RASEF: variants seen among roughly 807,000 people sequenced by gnomAD.
The protein encoded by RASEF is RAS and EF-hand domain containing.
A neutral mutation model predicts 90.1 loss-of-function variants in RASEF; 68 were observed. The observed-to-expected ratio is 0.75, with a 90% confidence interval of 0.62 to 0.92. The LOEUF (loss-of-function observed/expected upper bound fraction) is 0.92, where lower values mean the gene tolerates loss of function less well. Among genes scored for constraint, RASEF ranks in the 40% least tolerant of loss-of-function variants. The probability of loss-of-function intolerance (pLI) is 0.00; values close to 1 mark genes in which losing one functional copy is unlikely to be tolerated. For missense variants in RASEF, 949 were observed against 937.2 expected, an observed-to-expected ratio of 1.01 and a Z score of -0.16; for synonymous variants, 331 against 345.2, an observed-to-expected ratio of 0.96 and a Z score of 0.46.
At chr9:83,052,307 T>G (rs141613557) in intron 1 of RASEF, among the ~76,000 whole-genome samples, 16,808 of 138,360 alleles carry the variant, frequency 0.12, 1,300 homozygotes, top group Middle Eastern at 0.18. Flanking sequence ...ATCCATTTCT[T>G]CTAGATTTTC....
intron 2 of RASEF, among the ~76,000 whole-genome samples, chr9:83,025,507 T>A (rs958491136): frequency 5.9e-5 from 9 of 152,350 alleles, no homozygotes; most frequent in Middle Eastern, 3.4e-3. Flanking sequence ...TTTAAGCAGC[T>A]GGATGTAAGA....
chr9:83,104,596 C>T, the RASEF span, among the ~76,000 whole-genome samples: 1 of 152,092 alleles, frequency 6.6e-6, no homozygotes, highest in South Asian at 2.1e-4. Context: ...ATCCGTCCAT[C>T]TGAACTACAA....
the RASEF span, among the ~76,000 whole-genome samples, chr9:83,207,577 A>G: frequency 1.3e-5 from 2 of 149,466 alleles, no homozygotes; most frequent in Non-Finnish European, 3.0e-5. Context: ...AAACTGCCTC[A>G]GAGTTATCTC....
the RASEF span, among the ~76,000 whole-genome samples, chr9:83,173,696 C>T: frequency 1.8e-4 from 27 of 151,980 alleles, no homozygotes; most frequent in East Asian, 3.9e-3. Flanking sequence ...ATTTTGAATT[C>T]CCTGAGAGGT....
the RASEF span, among the ~76,000 whole-genome samples, chr9:83,206,235 G>T: frequency 1.3e-5 from 2 of 152,104 alleles, no homozygotes; most frequent in East Asian, 1.9e-4. Context: ...ATATTTTTTC[G>T]TTAAGATCTA....
chr9:83,203,339 C>T, the RASEF span, among the ~76,000 whole-genome samples: 1 of 151,690 alleles, frequency 6.6e-6, no homozygotes, highest in African/African-American at 2.4e-5. Context: ...GCAGTGGCGC[C>T]ATCTTGGCTC....
the RASEF span, among the ~76,000 whole-genome samples, chr9:83,190,849 C>T: frequency 6.6e-6 from 1 of 152,192 alleles, no homozygotes; most frequent in Non-Finnish European, 1.5e-5. Context: ...AATTCATAGA[C>T]TCAGCCTCTC....
intron 13 of RASEF, 123 bp from the exon 14 acceptor site, chr9:82,997,249 A>G (rs1481912289): frequency 2.3e-5 from 15 of 662,296 alleles, no homozygotes; most frequent in Non-Finnish European, 3.6e-5. Flanking sequence ...ACTGCAATAT[A>G]TGACTGAGAC....
At chr9:83,137,472 A>G in the RASEF span, among the ~76,000 whole-genome samples, 1 of 152,216 alleles carries the variant, frequency 6.6e-6, no homozygotes, top group East Asian at 1.9e-4. Flanking sequence ...ATGGGACATC[A>G]TTTAGCATAC....
chr9:83,088,486 A>C, the RASEF span, among the ~76,000 whole-genome samples: 1 of 151,952 alleles, frequency 6.6e-6, no homozygotes, highest in Admixed American at 6.6e-5. Context: ...TCTTCTCTTT[A>C]GTTGTTCTAC....
At chr9:83,124,737 C>A in the RASEF span, among the ~76,000 whole-genome samples, 1 of 152,250 alleles carries the variant, frequency 6.6e-6, no homozygotes, top group East Asian at 1.9e-4. Flanking sequence ...TTATCTTTTT[C>A]TTTTCTCTGG....
chr9:83,147,426 T>C, the RASEF span, among the ~76,000 whole-genome samples: 2 of 152,146 alleles, frequency 1.3e-5, no homozygotes, highest in African/African-American at 4.8e-5. Context: ...TAAAATAGTG[T>C]TGAAATAGGA....
the RASEF span, among the ~76,000 whole-genome samples, chr9:83,110,233 T>A: frequency 6.6e-6 from 1 of 152,084 alleles, no homozygotes; most frequent in Non-Finnish European, 1.5e-5. Flanking sequence ...CTCAAAAGAA[T>A]ATGAGGCAGA....
the RASEF span, among the ~76,000 whole-genome samples, chr9:83,167,364 C>CT: frequency 7.5e-3 from 1,070 of 143,016 alleles, 12 homozygotes; most frequent in African/African-American, 0.025. Flanking sequence ...GTCTTTAGGC[C>CT]TTTTTTTTTT....
At chr9:83,152,318 C>T in the RASEF span, among the ~76,000 whole-genome samples, 1 of 152,258 alleles carries the variant, frequency 6.6e-6, no homozygotes, top group African/African-American at 2.4e-5. Flanking sequence ...AAAGGATGAC[C>T]AATTCCTGAA....
intron 1 of RASEF, among the ~76,000 whole-genome samples, chr9:83,042,750 A>G (rs1452862404): frequency 6.6e-6 from 1 of 152,196 alleles, no homozygotes; most frequent in Non-Finnish European, 1.5e-5. Context: ...AAAAAAAGAA[A>G]AACAGCCTCT....
rs1830246323 is a variant in RASEF at position 83,063,025 on chromosome 9, CG to C, written c.-159del. 1 of 766,210 alleles carries C rather than the reference CG, an allele frequency of 1.3e-6. No homozygotes were observed. The highest frequency in any genetic ancestry group is 3.4e-5 in the East Asian group (1 of 29,684). The allele number at this position is 766,210 out of a possible 1,614,324, so 47.5% of individuals were successfully genotyped here. On this transcript the variant is annotated 5_prime_UTR_variant, in exon 1 of 17. Coordinates refer to ENST00000376447, the MANE Select transcript of RASEF (RefSeq NM_152573.4). ...AGGGAACGTCGGGCGGGGCGAGGAACGTCGGGGGTGGCCGAGCGGCTCCCTT... is the reference window on the plus strand; with the variant it reads ...AGGGAACGTCGGGCGGGGCGAGGAACTCGGGGGTGGCCGAGCGGCTCCCTT...
At chr9:83,090,105 T>C in the RASEF span, among the ~76,000 whole-genome samples, 3 of 152,226 alleles carry the variant, frequency 2.0e-5, no homozygotes, top group Non-Finnish European at 4.4e-5. Flanking sequence ...AACTCATTCT[T>C]CTGCATGCTC....
chr9:83,000,574 T>C lies in RASEF; in HGVS notation c.1438-4A>G. The C allele has an allele frequency of 1.3e-6, 2 of 1,566,616 alleles. No homozygotes were observed. Among genetic ancestry groups the C allele is most frequent in the Non-Finnish European group, 1.7e-6 (2 of 1,156,860 alleles). On this transcript the variant is annotated splice_region_variant and splice_polypyrimidine_tract_variant and intron_variant, in intron 10 of 16. Coordinates refer to ENST00000376447, the MANE Select transcript of RASEF (RefSeq NM_152573.4). ...CTTCATCCCTTATGTCAGGAACCTA[T>C]TTTTTTTAAAATGTCAGCAGTTAAA...
Sources: allele counts gnomAD v4.1 joint callset (sites outside exome capture counted in the v4.1 genomes callset), GRCh38; gene constraint gnomAD v4.1.1; transcripts MANE v1.5; gene names NCBI Gene and HGNC (gene_info 2026-07-23, HGNC 2026-07-21).